SZT2: variants seen among roughly 807,000 people sequenced by gnomAD.
SZT2 encodes the protein KICSTOR complex protein SZT2.
Under a neutral mutation model 404.2 loss-of-function variants are expected in SZT2, and 216 were observed. The ratio of observed to expected loss-of-function variants is 0.53; its 90% CI spans 0.48 to 0.60. The LOEUF is 0.60. Among genes scored for constraint, SZT2 ranks in the 20% least tolerant of loss-of-function variants. The pLI, the probability that SZT2 is intolerant of heterozygous loss-of-function variation, is 0.00. For missense variants in SZT2, 3,857 were observed against 4,459.2 expected (o/e 0.86, Z 3.85); for synonymous variants, 1,693 against 1,749.9 (o/e 0.97, Z 0.81).
chr1:43,392,967 C>G (rs543242461), intron 1 of SZT2, among the ~76,000 whole-genome samples: 1 of 152,258 alleles, frequency 6.6e-6, no homozygotes, highest in South Asian at 2.1e-4. Context: ...CCGTGTAAGA[C>G]AGACATGCTC....
rs1208019862 is a variant in SZT2, at chr1:43,439,141, CT to C, written c.6792+49del. The C allele has an allele frequency of 3.7e-6, 6 of 1,610,274 alleles. No homozygotes were observed. In the African/African-American group the frequency reaches 8.0e-5, roughly 22 times the overall value. On this transcript the variant is annotated intron_variant, in intron 48 of 71. Coordinates refer to ENST00000634258, the MANE Select transcript of SZT2 (RefSeq NM_001365999.1). This position sits in a 1 kb window ranked among gnomAD's most constrained non-coding sequence, Gnocchi z 4.2. ...CCACACTCATGTGCACCCCTGCCCCCTGCCCCACGCACTTACTCTTTCCTAC... is the reference window on the plus strand; with the variant it reads ...CCACACTCATGTGCACCCCTGCCCCCGCCCCACGCACTTACTCTTTCCTAC...
rs752303066 is a variant in SZT2, at chr1:43,427,674, C to G, written c.3743C>G (p.Ala1248Gly). ...PVYIYSCSLE[A>G]LREQMVGMQP... is the part of the protein sequence containing the mutation. ...TACATCTACAGCTGTTCACTGGAAG[C>G]GCTGAGGGAACAAATGGTTGGCATG... Residue 1248 changes from alanine to glycine, a missense_variant, in exon 26 of 72, where the codon GCG (alanine) becomes GGG (glycine). Physicochemically the swap from Ala to Gly is moderately conservative, Grantham distance 60. Around this residue, in one of 7 missense-constraint regions of SZT2, gnomAD observed 1,725 missense variants for 1,881.0 expected, o/e 0.92. Transcript: ENST00000634258. 1 of 1,614,184 alleles carries G rather than the reference C, an allele frequency of 6.2e-7. No homozygotes were observed. The highest frequency in any genetic ancestry group is 1.3e-5 in the African/African-American group (1 of 75,046).
chr1:43,401,239 T>C (rs1649650985), intron 1 of SZT2, among the ~76,000 whole-genome samples: 1 of 152,266 alleles, frequency 6.6e-6, no homozygotes, highest in African/African-American at 2.4e-5. Flanking sequence ...TTGTTAACTT[T>C]TACTCTTACC....
chr1:43,441,575 G>A lies in SZT2; in HGVS notation c.7583G>A (p.Arg2528His), dbSNP rs949101175. Residue 2528 changes from arginine to histidine, a missense_variant, in exon 54 of 72, where the codon CGC (arginine) becomes CAC (histidine). This residue lies in a region of SZT2 where 573 missense variants were observed against 592.4 expected (regional missense o/e 0.97). Coordinates refer to ENST00000634258, the MANE Select transcript of SZT2 (RefSeq NM_001365999.1). This position sits in a 1 kb window ranked among gnomAD's most constrained non-coding sequence, Gnocchi z 4.8. ...CCTGTGTTTGCCCGTGTTGCTCAGCGCTGGATGGAGTTTATGGTTCAGATT... is the reference window on the plus strand; with the variant it reads ...CCTGTGTTTGCCCGTGTTGCTCAGCACTGGATGGAGTTTATGGTTCAGATT... ...LHPVFARVAQ[R>H]WMEFMVQIGC... 6.2e-6 allele frequency: 10 copies of A among 1,614,024 alleles called. No homozygotes were observed. Among genetic ancestry groups the A allele is most frequent in the East Asian group, 2.2e-5 (1 of 44,892 alleles).
intron 1 of SZT2, among the ~76,000 whole-genome samples, chr1:43,402,380 A>C (rs1649785985): frequency 6.6e-6 from 1 of 152,192 alleles, no homozygotes; most frequent in Non-Finnish European, 1.5e-5. Flanking sequence ...TCCTGTGGGG[A>C]ACAGGAAAGG....
chr1:43,395,736 T>C (rs1229776480), intron 1 of SZT2, among the ~76,000 whole-genome samples: 1 of 152,238 alleles, frequency 6.6e-6, no homozygotes, highest in Non-Finnish European at 1.5e-5. Flanking sequence ...GAGCAGGGAA[T>C]GCATGTGTTT....
At chr1:43,417,882 G>A (rs1018182136) in intron 7 of SZT2, among the ~76,000 whole-genome samples, 1 of 152,164 alleles carries the variant, frequency 6.6e-6, no homozygotes, top group African/African-American at 2.4e-5. Context: ...TAGGAAGAGG[G>A]CCCAGCAAGG....
chr1:43,446,066 C>A, intron 63 of SZT2, 82 bp downstream of exon 63: 1 of 1,578,778 alleles, frequency 6.3e-7, no homozygotes, highest in South Asian at 1.1e-5. Context: ...AGTGATGTAC[C>A]GAGGTCACTG....
At chr1:43,403,559 A>G in intron 2 of SZT2, 42 bp from the exon 3 acceptor site, 1 of 1,592,734 alleles carries the variant, frequency 6.3e-7, no homozygotes, top group Non-Finnish European at 8.6e-7. Flanking sequence ...AGAAAGGGAT[A>G]CTTCGCTGAT....
intron 59 of SZT2, 37 bp downstream of exon 59, chr1:43,443,123 CTG>C: frequency 6.2e-7 from 1 of 1,612,628 alleles, no homozygotes; most frequent in Non-Finnish European, 8.5e-7. Context: ...GACAGGAAAT[CTG>C]TGGAGTCTGG....
In SZT2 at chr1:43,438,939, C is replaced by T. The variant is rs1324236777; in HGVS notation, c.6638C>T (p.Pro2213Leu). ...LTPADVEFIQ[P>L]PGSLPSEVLH... The stretch of plus-strand genomic sequence containing the variant: ...CTTCCCACTCTGCAGTTCATCCAGC[C>T]CCCTGGAAGTCTCCCCTCAGAGGTG... The change falls in exon 48 of 72, where the codon CCC (proline) becomes CTC (leucine). Residue 2213 changes from proline to leucine, a missense_variant. Around this residue, in one of 7 missense-constraint regions of SZT2, gnomAD observed 261 missense variants for 372.9 expected, o/e 0.70. Transcript: ENST00000634258. 3.1e-6 allele frequency: 5 copies of T among 1,614,090 alleles called. No homozygotes were observed. Among genetic ancestry groups the T allele is most frequent in the Non-Finnish European group, 4.2e-6 (5 of 1,180,046 alleles).
intron 46 of SZT2, 168 bp downstream of exon 46, chr1:43,438,070 T>G (rs1276791607): frequency 4.6e-6 from 3 of 653,952 alleles, no homozygotes; most frequent in Admixed American, 5.5e-5. Flanking sequence ...CTCCAGACCC[T>G]CTGGGACTTC....
chr1:43,403,413 G>A, intron 2 of SZT2, 111 bp downstream of exon 2: 1 of 1,467,958 alleles, frequency 6.8e-7, no homozygotes. Flanking sequence ...TCTGGTTAGG[G>A]CAAGGGACTG....
intron 12 of SZT2, 45 bp from the exon 13 acceptor site, chr1:43,422,435 C>T: frequency 6.6e-7 from 1 of 1,526,554 alleles, no homozygotes; most frequent in African/African-American, 1.4e-5. Context: ...TTTCTCCAAG[C>T]CTGGGGCCTG....
rs1178377572 is a variant in SZT2, at chr1:43,445,874, T to G, written c.8826-20T>G. 1 of 1,612,556 alleles carries G rather than the reference T, an allele frequency of 6.2e-7. No homozygotes were observed. The highest frequency in any genetic ancestry group is 1.3e-5 in the African/African-American group (1 of 74,888). On this transcript the variant is annotated intron_variant, in intron 62 of 71. Transcript: ENST00000634258. The stretch of plus-strand genomic sequence containing the variant: ...GCCACTAGCCTGCCTCATCCTCTTA[T>G]CCCTCCTCCTTTTCTATAGCACCAG...
rs192831581 is a variant in SZT2, at chr1:43,433,488, A to G, written c.5804+298A>G. Among the ~76,000 whole-genome samples the G allele has an allele frequency of 3.4e-3, 522 of 152,358 alleles. 1 individual carries two copies. Among genetic ancestry groups the G allele is most frequent in the Non-Finnish European group, 6.3e-3 (430 of 68,040 alleles). ...GCTTTAGAAGTTCGTGTATAAAAAT[A>G]AAGCATAATAAGGCTGGGCGTGGTA... On this transcript the variant is annotated intron_variant, in intron 40 of 71. Transcript: ENST00000634258.
intron 40 of SZT2, 137 bp downstream of exon 40, chr1:43,433,327 G>A: frequency 2.3e-6 from 2 of 868,630 alleles, no homozygotes; most frequent in Non-Finnish European, 3.5e-6. Flanking sequence ...TGTATTCTTA[G>A]GTTGGTGGTT....
In SZT2 at chr1:43,442,925, G is replaced by T; in HGVS notation, c.8258G>T (p.Gly2753Val). ...EQGRLSGSSR[G>V]GGPLPLDTFP... Reference sequence around the variant, plus strand: ...GGCCGACTGAGTGGGTCCTCTCGTGGTGGGGGTCCTCTTCCCCTGGACACA... The same window carrying T: ...GGCCGACTGAGTGGGTCCTCTCGTGTTGGGGGTCCTCTTCCCCTGGACACA... The change falls in exon 59 of 72, where the codon GGT becomes GTT. Residue 2753 changes from glycine to valine, a missense_variant. Gly to Val is a moderately radical substitution (Grantham distance 109). Transcript: ENST00000634258. The surrounding 1 kb of genome is among the most constrained non-coding windows in gnomAD (Gnocchi z 4.5). 1 of 1,614,126 alleles carries T rather than the reference G, an allele frequency of 6.2e-7. No individual in the cohort carries two copies. Among genetic ancestry groups the T allele is most frequent in the Non-Finnish European group, 8.5e-7 (1 of 1,179,994 alleles).
chr1:43,442,783 A>G lies in SZT2; in HGVS notation c.8152-36A>G, dbSNP rs1570719422. On this transcript the variant is annotated intron_variant, in intron 58 of 71. Coordinates refer to ENST00000634258, the MANE Select transcript of SZT2 (RefSeq NM_001365999.1). This position sits in a 1 kb window ranked among gnomAD's most constrained non-coding sequence, Gnocchi z 4.5. The stretch of plus-strand genomic sequence containing the variant: ...GGATGAGAGAGAGGGTCCGAGGGCA[A>G]AGGCTATGAACCCATTGCAATGCTC... The G allele has an allele frequency of 1.3e-6, 2 of 1,557,030 alleles. No individual in the cohort carries two copies. Among genetic ancestry groups the G allele is most frequent in the Non-Finnish European group, 1.7e-6 (2 of 1,150,086 alleles).
Sources: gnomAD v4.1 joint callset for allele counts (sites outside exome capture counted in the v4.1 genomes callset) on GRCh38, gnomAD v4.1.1 for gene constraint, gnomAD v4.1.1 regional missense constraint, Gnocchi (gnomAD v3.1) non-coding constraint, MANE v1.5 for transcripts, NCBI Gene and HGNC (gene_info 2026-07-23, HGNC 2026-07-21) for gene names.